The following TMEM98 variants were observed in gnomAD, a reference collection of about 807,000 sequenced individuals.
The protein encoded by TMEM98 is transmembrane protein 98.
A neutral mutation model predicts 25.0 loss-of-function variants in TMEM98; 18 were observed. The ratio of observed to expected loss-of-function variants is 0.72; its 90% CI spans 0.50 to 1.07. The LOEUF (loss-of-function observed/expected upper bound fraction) is 1.07, where lower values mean the gene tolerates loss of function less well. Among genes scored for constraint, TMEM98 ranks in the 50% least tolerant of loss-of-function variants. TMEM98 has a pLI of 0.00. For synonymous variants in TMEM98, 103 were observed against 112.4 expected (o/e 0.92, Z 0.53); for missense variants, 241 against 289.0 (o/e 0.83, Z 1.20).
At chr17:32,936,493 A>G in intron 6 of TMEM98, 46 bp downstream of exon 6, 6 of 1,545,852 alleles carry the variant, frequency 3.9e-6, no homozygotes, top group Non-Finnish European at 5.4e-6. Flanking sequence ...CTGAGGGAAG[A>G]GAGGGGCTGG....
Position 32,931,493 on chromosome 17 carries a change from A to T in TMEM98, c.-36A>T. 6.3e-7 allele frequency: 1 copy of T among 1,597,782 alleles called. No homozygotes were observed. On this transcript the variant is annotated 5_prime_UTR_variant, in exon 3 of 8. An upstream start codon of the reference 5' UTR is lost. Transcript: ENST00000579849. ...TCTCAAGCTTTAGCCCATGAGGAGG[A>T]TGTGACCGGGACTGAGTCAGGAGCC...
chr17:32,934,472 T>G (rs9915765), intron 5 of TMEM98, 148 bp downstream of exon 5: 4 of 789,366 alleles, frequency 5.1e-6, no homozygotes, highest in African/African-American at 3.5e-5. Context: ...TGTGGTTTAC[T>G]TCCCCCCCTG....
At chr17:32,938,302 C>G (rs909386907) in intron 6 of TMEM98, among the ~76,000 whole-genome samples, 1 of 152,088 alleles carries the variant, frequency 6.6e-6, no homozygotes, top group Non-Finnish European at 1.5e-5. Flanking sequence ...CTGTGAGTCT[C>G]GAGGAGGTGG....
intron 6 of TMEM98, 55 bp downstream of exon 6, chr17:32,936,502 G>A (rs1388980672): frequency 1.1e-5 from 17 of 1,482,494 alleles, no homozygotes; most frequent in Non-Finnish European, 1.3e-5. Context: ...GAGAGGGGCT[G>A]GAAGCTGGGG....
At position 32,940,802 on chromosome 17, in the gene TMEM98, C is replaced by T; in HGVS notation, c.490C>T (p.Leu164=). The change falls in exon 8 of 8, where the codon CTG becomes TTG. Residue 164 remains leucine, a synonymous_variant. Coordinates refer to ENST00000579849, the MANE Select transcript of TMEM98 (RefSeq NM_015544.3). ...LLDARTTALL[L]SVSHLVLVTR... is the part of the protein sequence containing the mutation. ...TTTCCCTAGGACGACTGCCCTGCTC[C>T]TGTCTGTCAGTCACCTGGTGCTGGT... 1.2e-6 allele frequency: 2 copies of T among 1,614,056 alleles called. No individual in the cohort carries two copies. Among genetic ancestry groups the T allele is most frequent in the Non-Finnish European group, 8.5e-7 (1 of 1,179,938 alleles).
intron 1 of TMEM98, among the ~76,000 whole-genome samples, chr17:32,929,408 G>A (rs1057229049): frequency 1.2e-4 from 18 of 152,072 alleles, no homozygotes; most frequent in Admixed American, 1.1e-3. Context: ...CTGGGGACCG[G>A]GGGAGGGGAA....
At position 32,931,254 on chromosome 17, in the gene TMEM98, G is replaced by T. The variant is rs149415623; in HGVS notation, c.-130-73G>T. ...CAAACAAAAAATTTTAGTCCAACTG[G>T]GGAGCAAATTCTTCTGAGAAAGGAA... On this transcript the variant is annotated intron_variant, in intron 1 of 7. Coordinates refer to ENST00000579849, the MANE Select transcript of TMEM98 (RefSeq NM_015544.3). The T allele has an allele frequency of 1.7e-3, 643 of 367,910 alleles. 4 individuals carry two copies. Among genetic ancestry groups the T allele is most frequent in the African/African-American group, 0.012 (581 of 47,822 alleles). The allele number at this position is 367,910 out of a possible 1,614,324, so 22.8% of individuals were successfully genotyped here.
intron 7 of TMEM98, 88 bp from the exon 8 acceptor site, chr17:32,940,698 T>A: frequency 7.9e-7 from 1 of 1,266,700 alleles, no homozygotes; most frequent in African/African-American, 1.5e-5. Flanking sequence ...GTTTGGGGAA[T>A]ACTAGTCAAA....
At position 32,943,874 on chromosome 17, in the gene TMEM98, A is replaced by G. The variant is rs1001256470; in HGVS notation, c.*2881A>G. ...CACCTCAGTTACCATGGCTTGGTCC[A>G]AGCAGTGACTTCTGTTCATGGGCTC... On this transcript the variant is annotated 3_prime_UTR_variant, in exon 8 of 8. Coordinates refer to ENST00000579849, the MANE Select transcript of TMEM98 (RefSeq NM_015544.3). 2.6e-5 allele frequency: 4 copies of G among 152,240 alleles called. No homozygotes were observed. Among genetic ancestry groups the G allele is most frequent in the Admixed American group, 2.6e-4 (4 of 15,276 alleles). 9.4% of individuals were successfully genotyped at this position (152,240 alleles called of 1,614,324 possible).
Position 32,943,241 on chromosome 17 carries a change from G to A in TMEM98, c.*2248G>A, listed in dbSNP as rs1346031944. The A allele has an allele frequency of 1.3e-5, 2 of 152,414 alleles. No individual in the cohort carries two copies. The highest frequency in any genetic ancestry group is 2.9e-5 in the Non-Finnish European group (2 of 68,230). The allele number at this position is 152,414 out of a possible 1,614,324, so 9.4% of individuals were successfully genotyped here. Reference sequence around the variant, plus strand: ...AGTTTTTTTTTCTAGTGCTGGACAAGTAAGAAGCCTCTGGATAAATTTGGT... The same window carrying A: ...AGTTTTTTTTTCTAGTGCTGGACAAATAAGAAGCCTCTGGATAAATTTGGT... On this transcript the variant is annotated 3_prime_UTR_variant, in exon 8 of 8. Transcript: ENST00000579849.
At chr17:32,939,817 T>C (rs1239123759) in intron 7 of TMEM98, among the ~76,000 whole-genome samples, 2 of 152,222 alleles carry the variant, frequency 1.3e-5, no homozygotes, top group African/African-American at 4.8e-5. Context: ...GTGCCTTCCC[T>C]TCTACCTTTT....
chr17:32,935,013 T>G (rs533594838), intron 5 of TMEM98, among the ~76,000 whole-genome samples: 26 of 143,826 alleles, frequency 1.8e-4, no homozygotes, highest in East Asian at 9.8e-4. Context: ...AATATCAGGG[T>G]TTTTTTTTTT....
At position 32,942,245 on chromosome 17, in the gene TMEM98, T is replaced by C. The variant is rs1464152941; in HGVS notation, c.*1252T>C. 2.6e-5 allele frequency: 4 copies of C among 152,230 alleles called. No homozygotes were observed. The highest frequency in any genetic ancestry group is 1.3e-4 in the Admixed American group (2 of 15,282). The allele number at this position is 152,230 out of a possible 1,614,324, so 9.4% of individuals were successfully genotyped here. ...ATGACCCAGAATCACAATTATATAATTTGGATACATACCCAAATGGCATAA... is the reference window on the plus strand; with the variant it reads ...ATGACCCAGAATCACAATTATATAACTTGGATACATACCCAAATGGCATAA... On this transcript the variant is annotated 3_prime_UTR_variant, in exon 8 of 8. Coordinates refer to ENST00000579849, the MANE Select transcript of TMEM98 (RefSeq NM_015544.3).
rs180862664 is a variant in TMEM98, at chr17:32,934,098, G to T, written c.264-193G>T. Among the ~76,000 whole-genome samples, 96 of 152,324 alleles carry T rather than the reference G, an allele frequency of 6.3e-4. 1 individual carries two copies. Among genetic ancestry groups the T allele is most frequent in the Middle Eastern group, 6.8e-3 (2 of 294 alleles). ...GCTGGAAGAGTGGATTGGGTGCAGG[G>T]AGGGGAAGGGAAGGGAGGTGCTCCC... is the stretch of plus-strand genomic sequence containing the variant. On this transcript the variant is annotated intron_variant, in intron 4 of 7. Coordinates refer to ENST00000579849, the MANE Select transcript of TMEM98 (RefSeq NM_015544.3).
At chr17:32,939,908 G>T (rs2091519549) in intron 7 of TMEM98, among the ~76,000 whole-genome samples, 1 of 152,198 alleles carries the variant, frequency 6.6e-6, no homozygotes, top group African/African-American at 2.4e-5. Context: ...CGGTGGGGCA[G>T]TGGTTCCCAG....
Position 32,941,674 on chromosome 17 carries a change from A to G in TMEM98, c.*681A>G, listed in dbSNP as rs1447786585. On this transcript the variant is annotated 3_prime_UTR_variant, in exon 8 of 8. Coordinates refer to ENST00000579849, the MANE Select transcript of TMEM98 (RefSeq NM_015544.3). The stretch of plus-strand genomic sequence containing the variant: ...AGTGTGTAGTTATTGAGTCAAATTC[A>G]TATGCATGGTGTATTGTGGGACATA... 1.3e-5 allele frequency: 2 copies of G among 152,234 alleles called. No individual in the cohort carries two copies. Among genetic ancestry groups the G allele is most frequent in the African/African-American group, 4.8e-5 (2 of 41,446 alleles). 9.4% of individuals were successfully genotyped at this position (152,234 alleles called of 1,614,324 possible). A position where few individuals can be genotyped will look rare whatever the true frequency, so the allele number is the denominator to read the frequency against.
intron 7 of TMEM98, 57 bp from the exon 8 acceptor site, chr17:32,940,729 T>A (rs1287667640): frequency 7.1e-6 from 11 of 1,541,892 alleles, no homozygotes; most frequent in African/African-American, 1.4e-5. Context: ...ATTTGGGCTT[T>A]TGTGCAAAGT....
chr17:32,939,662 C>G (rs561768205), intron 7 of TMEM98, 126 bp downstream of exon 7: 3 of 1,115,928 alleles, frequency 2.7e-6, no homozygotes, highest in Non-Finnish European at 4.0e-6. Flanking sequence ...TTAGGCTGCC[C>G]GGGCCATGCG....
chr17:32,939,420 A>ATAGG lies in TMEM98; in HGVS notation c.414-57_414-56insTAGG. 13 of 1,461,956 alleles carry ATAGG rather than the reference A, an allele frequency of 8.9e-6. No individual in the cohort carries two copies. In the South Asian group the frequency reaches 1.4e-4, roughly 15 times the overall value. 90.6% of individuals were successfully genotyped at this position (1,461,956 alleles called of 1,614,324 possible). On this transcript the variant is annotated intron_variant, in intron 6 of 7. Coordinates refer to ENST00000579849, the MANE Select transcript of TMEM98 (RefSeq NM_015544.3). ...AGACTCTGTCTCAGGAAAAAAAAAA[A>ATAGG]AAGGAGAAAAGGAGATCAGGAAAGT...
Sources: gnomAD v4.1 joint callset for allele counts (sites outside exome capture counted in the v4.1 genomes callset) on GRCh38, gnomAD v4.1.1 for gene constraint, MANE v1.5 for transcripts, NCBI Gene and HGNC (gene_info 2026-07-23, HGNC 2026-07-21) for gene names.